Variants in ADAP1 observed in about 807,000 individuals in gnomAD.
ADAP1 encodes ArfGAP with dual PH domains 1.
ADAP1 carries 31 observed loss-of-function variants against 54.9 expected under a neutral mutation model. The observed-to-expected ratio is 0.56, with a 90% CI of 0.42 to 0.76. The LOEUF (loss-of-function observed/expected upper bound fraction) is 0.76. Among genes scored for constraint, ADAP1 ranks in the 30% least tolerant of loss-of-function variants. The probability of loss-of-function intolerance (pLI) is 0.00; values close to 1 mark genes in which losing one functional copy is unlikely to be tolerated. For missense variants in ADAP1, 535 were observed against 512.4 expected (o/e 1.04, Z -0.42); for synonymous variants, 313 against 202.6 (o/e 1.55, Z -4.63).
upstream of ADAP1, chr7:954,824 T>G: frequency 1.6e-6 from 1 of 608,748 alleles, no homozygotes; most frequent in Non-Finnish European, 2.0e-6. Context: ...CGCTGGGAAA[T>G]CGCCCGCCGC....
At chr7:901,672 CCTG>C (rs759407241) in intron 6 of ADAP1, among the ~76,000 whole-genome samples, 250 of 151,188 alleles carry the variant, frequency 1.7e-3, no homozygotes, top group South Asian at 6.3e-3. Flanking sequence ...GGCCTCCAGC[CCTG>C]CTTTCTCCTG....
chr7:905,270 C>A, intron 4 of ADAP1, 98 bp from the exon 5 acceptor site: 2 of 507,712 alleles, frequency 3.9e-6, no homozygotes, highest in South Asian at 1.9e-5. Flanking sequence ...GGGGAGAAGA[C>A]ACGGGGGACA....
rs1298272254 is a variant in ADAP1, at chr7:909,343, G to A, written c.389-4171C>T. Among the ~76,000 whole-genome samples, 60 of 78,814 alleles carry A rather than the reference G, an allele frequency of 7.6e-4. No homozygotes were observed. The East Asian group carries it at 0.022, about 29-fold the overall frequency. The allele number at this position is 78,814 out of a possible 152,430, so 51.7% of individuals were successfully genotyped here. ...GGAACCCCGGTCCTCCCGACAGCAG[G>A]CGCCAGCGGGAACCCCGGTCCTCCC... On this transcript the variant is annotated intron_variant, in intron 4 of 10. Coordinates refer to ENST00000265846, the MANE Select transcript of ADAP1 (RefSeq NM_006869.4).
chr7:943,221 A>G (rs865808606), intron 1 of ADAP1, among the ~76,000 whole-genome samples: 12 of 25,528 alleles, frequency 4.7e-4, no homozygotes, highest in Non-Finnish European at 6.5e-4. Context: ...GAGGAGGAAG[A>G]GAGAGGAGGA....
intron 1 of ADAP1, among the ~76,000 whole-genome samples, chr7:936,642 C>T (rs1846768608): frequency 6.6e-6 from 1 of 152,240 alleles, no homozygotes; most frequent in African/African-American, 2.4e-5. Context: ...TCCCAACGAC[C>T]CTTCACAATA....
Position 905,091 on chromosome 7 carries a change from T to C in ADAP1, c.470A>G (p.Glu157Gly), listed in dbSNP as rs751142364. ...TCTGTTGAAATACTTCAGAGCACCC[T>C]CTCGTTCTGTCAGCACAAACTTCCG... ...LSRKFVLTER[E>G]GALKYFNRND... The change falls in exon 5 of 11, where the codon GAG (glutamate) becomes GGG (glycine). Residue 157 changes from glutamate to glycine, a missense_variant. By Grantham distance (98) the Glu-to-Gly change is moderately conservative. Transcript: ENST00000265846. The C allele has an allele frequency of 1.9e-6, 3 of 1,612,186 alleles. No homozygotes were observed. Among genetic ancestry groups the C allele is most frequent in the Non-Finnish European group, 2.5e-6 (3 of 1,179,880 alleles).
rs1562914673 is a variant in ADAP1, at chr7:906,574, G to GGA, written c.389-1404_389-1403dup. Among the ~76,000 whole-genome samples, 9 of 20,174 alleles carry GGA rather than the reference G, an allele frequency of 4.5e-4. 1 individual carries two copies. Among genetic ancestry groups the GGA allele is most frequent in the Non-Finnish European group, 5.9e-4 (7 of 11,864 alleles). The allele number at this position is 20,174 out of a possible 152,430, so 13.2% of individuals were successfully genotyped here. A position where few individuals can be genotyped will look rare whatever the true frequency, so the allele number is the denominator to read the frequency against. On this transcript the variant is annotated intron_variant, in intron 4 of 10. Coordinates refer to ENST00000265846, the MANE Select transcript of ADAP1 (RefSeq NM_006869.4). ...AAAGGGAGAAAGGGAAAGGAGAAAG[G>GGA]GAAAGGAGAAAGGAGAAAGGAGAAG...
At position 904,035 on chromosome 7, in the gene ADAP1, G is replaced by C. The variant is rs531204399; in HGVS notation, c.648+91C>G. The C allele has an allele frequency of 1.5e-5, 24 of 1,551,480 alleles. 1 individual carries two copies. In the Admixed American group the frequency reaches 4.2e-4, roughly 27 times the overall value. The stretch of plus-strand genomic sequence containing the variant: ...GCCTAGCTCAAGTGCCTACCCTCCC[G>C]TACCGTCCAAGCACCCACCTTCCTG... On this transcript the variant is annotated intron_variant, in intron 6 of 10. Transcript: ENST00000265846.
intron 1 of ADAP1, among the ~76,000 whole-genome samples, chr7:937,038 G>A (rs918925293): frequency 1.3e-5 from 2 of 152,108 alleles, no homozygotes; most frequent in Admixed American, 1.3e-4. Context: ...GTGAGAACCA[G>A]CAGGCTGAAC....
intron 1 of ADAP1, among the ~76,000 whole-genome samples, chr7:936,333 G>C (rs187250462): frequency 4.6e-4 from 70 of 152,164 alleles, no homozygotes; most frequent in African/African-American, 1.5e-3. Flanking sequence ...CCCGAGTAGC[G>C]AGGCACGCAC....
chr7:952,864 C>T (rs1847304240), intron 1 of ADAP1, among the ~76,000 whole-genome samples: 1 of 152,182 alleles, frequency 6.6e-6, no homozygotes, highest in Admixed American at 6.5e-5. Flanking sequence ...AGGCTGGAAG[C>T]TTAGCAGGTG....
intron 5 of ADAP1, 77 bp downstream of exon 5, chr7:904,983 C>A (rs1327706077): frequency 7.6e-7 from 1 of 1,313,404 alleles, no homozygotes; most frequent in Non-Finnish European, 1.1e-6. Flanking sequence ...ATGGACGCGG[C>A]CACCACAGGC....
chr7:906,703 G>GAGAAAAGTAAA (rs1845426265), intron 4 of ADAP1, among the ~76,000 whole-genome samples: 1 of 32,732 alleles, frequency 3.1e-5, no homozygotes, highest in African/African-American at 1.3e-4. Context: ...ACATGGACAT[G>GAGAAAAGTAAA]GGGGACGGGA....
intron 6 of ADAP1, 47 bp downstream of exon 6, chr7:904,079 G>A (rs751863806): frequency 3.1e-6 from 5 of 1,602,674 alleles, no homozygotes; most frequent in South Asian, 1.1e-5. Flanking sequence ...GGGCCTGAGG[G>A]CCCACCCTCC....
At chr7:904,080 C>T in intron 6 of ADAP1, 46 bp downstream of exon 6, 3 of 1,604,448 alleles carry the variant, frequency 1.9e-6, no homozygotes, top group Non-Finnish European at 2.6e-6. Context: ...GGCCTGAGGG[C>T]CCACCCTCCT....
chr7:904,361 C>A (rs3824077), intron 5 of ADAP1, 89 bp from the exon 6 acceptor site: 17 of 1,477,262 alleles, frequency 1.2e-5, no homozygotes, highest in Admixed American at 2.3e-5. Context: ...GTGCTGGCGG[C>A]GCACCTGCTG....
intron 4 of ADAP1, among the ~76,000 whole-genome samples, chr7:915,818 C>T (rs62430824): frequency 0.027 from 4,177 of 152,164 alleles, 84 homozygotes; most frequent in Non-Finnish European, 0.043. Context: ...CGCCCACTGC[C>T]GACGAGACGC....
At chr7:905,476 G>GA (rs373057755) in intron 4 of ADAP1, 1,299 of 54,650 alleles carry the variant, frequency 0.024, 30 homozygotes, top group Admixed American at 0.031. Flanking sequence ...AAGGAGAAAG[G>GA]GAAAGGAGAA....
chr7:919,986 G>C lies in ADAP1; in HGVS notation c.370C>G (p.Gln124Glu), dbSNP rs147172089. ...GCCTCACCTGCCGAGTAGGGCTCCT[G>C]CTTCTCCGGGTAGATGAACTCCTGT... ...ERQEFIYPEK[Q>E]EPYSAGYREG... The change falls in exon 4 of 11, where the codon CAG becomes GAG. Residue 124 changes from glutamine to glutamate, a missense_variant. Coordinates refer to ENST00000265846, the MANE Select transcript of ADAP1 (RefSeq NM_006869.4). 3.4e-4 allele frequency: 551 copies of C among 1,606,432 alleles called. No individual in the cohort carries two copies. Among genetic ancestry groups the C allele is most frequent in the Non-Finnish European group, 3.7e-4 (437 of 1,179,240 alleles).
Sources: allele counts gnomAD v4.1 joint callset (sites outside exome capture counted in the v4.1 genomes callset), GRCh38; gene constraint gnomAD v4.1.1; transcripts MANE v1.5; gene names NCBI Gene and HGNC (gene_info 2026-07-23, HGNC 2026-07-21).